Variants in ANKRD12 observed in about 807,000 individuals in gnomAD.
The protein encoded by ANKRD12 is ankyrin repeat domain-containing protein 12.
A neutral mutation model predicts 183.4 loss-of-function variants in ANKRD12; 85 were observed. The ratio of observed to expected loss-of-function variants is 0.46; its 90% CI spans 0.39 to 0.56. The LOEUF (loss-of-function observed/expected upper bound fraction) is 0.56, where lower values mean the gene tolerates loss of function less well. ANKRD12 is among the 20% of genes least tolerant of loss of function. ANKRD12 has a pLI of 0.00. For missense variants in ANKRD12, 2,405 were observed against 2,357.1 expected (o/e 1.02, Z -0.42); for synonymous variants, 914 against 800.2 (o/e 1.14, Z -2.40).
At chr18:9,232,076 G>A (rs1284609654) in intron 8 of ANKRD12, among the ~76,000 whole-genome samples, 1 of 152,038 alleles carries the variant, frequency 6.6e-6, no homozygotes, top group African/African-American at 2.4e-5. Context: ...ATTTGTTTCT[G>A]TTGTATTGTT....
At chr18:9,233,972 T>G (rs1388087313) in intron 8 of ANKRD12, among the ~76,000 whole-genome samples, 1 of 152,050 alleles carries the variant, frequency 6.6e-6, no homozygotes, top group East Asian at 1.9e-4. Context: ...CCCAGCGTGG[T>G]AGGGGCAGTG....
rs1175418621 is a variant in ANKRD12, at chr18:9,254,312, C to G, written c.1045C>G (p.Pro349Ala). The change falls in exon 9 of 13, where the codon CCC becomes GCC. Residue 349 changes from proline to alanine, a missense_variant. By Grantham distance (27) the Pro-to-Ala change is conservative. Coordinates refer to ENST00000262126, the MANE Select transcript of ANKRD12 (RefSeq NM_015208.5). ...SLICESKQIL[P>A]SKTPLPSALD... ...CATCTGTGAAAGTAAACAGATACTT[C>G]CCAGTAAAACACCTCTTCCATCTGC... 3.1e-6 allele frequency: 5 copies of G among 1,612,456 alleles called. No homozygotes were observed. The highest frequency in any genetic ancestry group is 2.2e-5 in the East Asian group (1 of 44,724).
chr18:9,182,329 C>A, intron 1 of ANKRD12, 53 bp from the exon 2 acceptor site: 1 of 88,132 alleles, frequency 1.1e-5, no homozygotes, highest in Non-Finnish European at 2.2e-5. Context: ...AATTGTGGTG[C>A]GTAACCTATT....
chr18:9,256,410 A>T lies in ANKRD12; in HGVS notation c.3143A>T (p.Glu1048Val). Reference protein sequence around the residue: ...QINSLLKLKSEADKPKPKSSP... With the variant: ...QINSLLKLKSVADKPKPKSSP... ...AATAGCTTACTCAAACTAAAATCTG[A>T]AGCAGATAAGCCTAAACCTAAGTCA... Residue 1048 changes from glutamate to valine, a missense_variant, in exon 9 of 13, where the codon GAA (glutamate) becomes GTA (valine). Physicochemically the swap from Glu to Val is moderately radical, Grantham distance 121 (BLOSUM62 -2). Transcript: ENST00000262126. 1 of 1,610,584 alleles carries T rather than the reference A, an allele frequency of 6.2e-7. No individual in the cohort carries two copies.
chr18:9,146,207 C>A (rs1017986335), intron 1 of ANKRD12, among the ~76,000 whole-genome samples: 1 of 152,154 alleles, frequency 6.6e-6, no homozygotes, highest in African/African-American at 2.4e-5. Flanking sequence ...GTGACATTTG[C>A]CTTTTTTTCC....
intron 11 of ANKRD12, 30 bp downstream of exon 11, chr18:9,275,697 A>G (rs766423141): frequency 1.3e-6 from 2 of 1,495,594 alleles, no homozygotes; most frequent in Non-Finnish European, 1.8e-6. Context: ...ATTTAGAAGT[A>G]ATGGTCTGAA....
At chr18:9,247,944 G>A (rs147829812) in intron 8 of ANKRD12, among the ~76,000 whole-genome samples, 3,192 of 151,942 alleles carry the variant, frequency 0.021, 70 homozygotes, top group African/African-American at 0.052. Context: ...CCCCCACCTC[G>A]CCTGCCTAAT....
chr18:9,139,053 G>C (rs1406912394), intron 1 of ANKRD12, among the ~76,000 whole-genome samples: 1 of 152,122 alleles, frequency 6.6e-6, no homozygotes, highest in Non-Finnish European at 1.5e-5. Flanking sequence ...CATAGTAGTT[G>C]GTAAGAATTA....
intron 4 of ANKRD12, among the ~76,000 whole-genome samples, chr18:9,206,133 CT>C (rs756433204): frequency 4.6e-5 from 7 of 152,010 alleles, no homozygotes; most frequent in Non-Finnish European, 1.0e-4. Context: ...TTTGAATAGT[CT>C]TTAAGTGAAT....
At chr18:9,159,730 C>T (rs545789536) in intron 1 of ANKRD12, among the ~76,000 whole-genome samples, 111 of 152,014 alleles carry the variant, frequency 7.3e-4, no homozygotes, top group African/African-American at 2.4e-3. Context: ...TGAGCCACTG[C>T]GCCTGGCCCT....
intron 1 of ANKRD12, among the ~76,000 whole-genome samples, chr18:9,160,097 G>T (rs961018939): frequency 2.0e-5 from 3 of 151,822 alleles, no homozygotes; most frequent in Admixed American, 2.0e-4. Context: ...TGGTAAAACC[G>T]TGTCTCTACC....
At chr18:9,170,611 A>G (rs570428884) in intron 1 of ANKRD12, among the ~76,000 whole-genome samples, 20 of 150,710 alleles carry the variant, frequency 1.3e-4, no homozygotes, top group South Asian at 4.2e-4. Context: ...CCATTCGTCA[A>G]TTTTTTTTTC....
At chr18:9,202,532 T>C (rs951516855) in intron 3 of ANKRD12, among the ~76,000 whole-genome samples, 1 of 152,216 alleles carries the variant, frequency 6.6e-6, no homozygotes, top group African/African-American at 2.4e-5. Flanking sequence ...GTACAGGCTT[T>C]TAAAATTATT....
At chr18:9,260,544 A>G (rs1324554828) in intron 9 of ANKRD12, among the ~76,000 whole-genome samples, 3 of 152,190 alleles carry the variant, frequency 2.0e-5, no homozygotes, top group East Asian at 1.9e-4. Context: ...GTTACAACCT[A>G]GTCTCTACTG....
At chr18:9,138,218 A>G (rs563685391) in intron 1 of ANKRD12, among the ~76,000 whole-genome samples, 1 of 152,108 alleles carries the variant, frequency 6.6e-6, no homozygotes, top group South Asian at 2.1e-4. Flanking sequence ...CTGTGTATTA[A>G]AAACATATGC....
intron 2 of ANKRD12, among the ~76,000 whole-genome samples, chr18:9,190,753 T>G (rs1483496583): frequency 6.6e-6 from 1 of 152,234 alleles, no homozygotes; most frequent in Admixed American, 6.5e-5. Context: ...CATATTTTAG[T>G]ATATTTAGTA....
intron 10 of ANKRD12, among the ~76,000 whole-genome samples, chr18:9,270,439 A>G (rs1260060778): frequency 6.6e-6 from 1 of 152,266 alleles, no homozygotes; most frequent in African/African-American, 2.4e-5. Flanking sequence ...AGCCATAAAA[A>G]AAATGATGAG....
chr18:9,206,902 A>T (rs994398487), intron 4 of ANKRD12, among the ~76,000 whole-genome samples: 1 of 151,396 alleles, frequency 6.6e-6, no homozygotes, highest in African/African-American at 2.4e-5. Context: ...ATTTTCCCCA[A>T]TATTTAGAAA....
At chr18:9,142,177 G>A (rs184560943) in intron 1 of ANKRD12, among the ~76,000 whole-genome samples, 13 of 152,290 alleles carry the variant, frequency 8.5e-5, no homozygotes, top group African/African-American at 2.9e-4. Context: ...TTCTAATAGA[G>A]AACAAAAACC....
Sources: allele counts gnomAD v4.1 joint callset (sites outside exome capture counted in the v4.1 genomes callset), GRCh38; gene constraint gnomAD v4.1.1; transcripts MANE v1.5; gene names NCBI Gene and HGNC (gene_info 2026-07-23, HGNC 2026-07-21).